The following ZNF423 variants were observed in gnomAD, a reference collection of about 807,000 sequenced individuals.
The protein encoded by ZNF423 is Ebf-associated zinc finger protein.
ZNF423 carries 12 observed loss-of-function variants against 95.8 expected under a neutral mutation model. The ratio of observed to expected loss-of-function variants is 0.13; its 90% CI spans 0.08 to 0.20. The LOEUF (loss-of-function observed/expected upper bound fraction) is 0.20. ZNF423 is among the 10% of genes least tolerant of loss of function. The pLI is 1.00. For synonymous variants in ZNF423, 749 were observed against 711.9 expected (o/e 1.05, Z -0.83); for missense variants, 1,316 against 1,737.1 (o/e 0.76, Z 4.31).
intron 7 of ZNF423, among the ~76,000 whole-genome samples, chr16:49,497,712 A>C (rs1406869095): frequency 6.6e-6 from 1 of 152,114 alleles, no homozygotes; most frequent in Non-Finnish European, 1.5e-5. Context: ...TTTACAACTC[A>C]CTTTCTCCAG....
At chr16:49,607,252 GC>G (rs1971569393) in intron 5 of ZNF423, among the ~76,000 whole-genome samples, 1 of 152,082 alleles carries the variant, frequency 6.6e-6, no homozygotes, top group South Asian at 2.1e-4. Context: ...AGTGAAAGGT[GC>G]CTTTTGTGGC....
chr16:49,683,912 A>T (rs922118473), intron 3 of ZNF423, among the ~76,000 whole-genome samples: 2 of 152,034 alleles, frequency 1.3e-5, no homozygotes, highest in Non-Finnish European at 2.9e-5. Context: ...CTCTACTAAA[A>T]ATTTAAAAAT....
intron 3 of ZNF423, among the ~76,000 whole-genome samples, chr16:49,661,298 C>G (rs1347934015): frequency 6.6e-6 from 1 of 151,802 alleles, no homozygotes. Flanking sequence ...AAACACCCCT[C>G]AAGTGGATGC....
At chr16:49,679,990 A>G (rs12934989) in intron 3 of ZNF423, among the ~76,000 whole-genome samples, 133,766 of 152,250 alleles carry the variant, frequency 0.88, 58,826 homozygotes, top group African/African-American at 0.88. Context: ...CTGACTCTTC[A>G]GGACAACCTA....
chr16:49,845,129 G>A (rs1280985126), intron 1 of ZNF423, among the ~76,000 whole-genome samples: 1 of 149,480 alleles, frequency 6.7e-6, no homozygotes, highest in African/African-American at 2.5e-5. Context: ...TGTGTTTTTT[G>A]GGGTTTTTTG....
rs373946136 is a variant in ZNF423, at chr16:49,491,192, T to C, written c.*83A>G. ...TACATCTGGGTTGCAAATGACACTT[T>C]GATTGGATGTAATGTTCAAATGGCC... On this transcript the variant is annotated 3_prime_UTR_variant, in exon 8 of 8. Coordinates refer to ENST00000563137, the MANE Select transcript of ZNF423 (RefSeq NM_001379286.1). 1.1e-5 allele frequency: 17 copies of C among 1,557,828 alleles called. No homozygotes were observed. Among genetic ancestry groups the C allele is most frequent in the Admixed American group, 8.4e-5 (5 of 59,818 alleles).
chr16:49,681,457 C>T (rs915503295), intron 3 of ZNF423, among the ~76,000 whole-genome samples: 9 of 152,244 alleles, frequency 5.9e-5, no homozygotes, highest in African/African-American at 2.2e-4. Flanking sequence ...CTGCCAAGTT[C>T]ACATCAGCGA....
chr16:49,812,299 C>T (rs2034765862), intron 1 of ZNF423, among the ~76,000 whole-genome samples: 1 of 152,248 alleles, frequency 6.6e-6, no homozygotes, highest in African/African-American at 2.4e-5. Context: ...CCCACATCCA[C>T]ATTCCCCATC....
intron 3 of ZNF423, among the ~76,000 whole-genome samples, chr16:49,687,312 G>A (rs2031602672): frequency 6.6e-6 from 1 of 151,982 alleles, no homozygotes; most frequent in South Asian, 2.1e-4. Flanking sequence ...AGGAAGGGGT[G>A]GAAGTGGGGG....
At chr16:49,604,133 G>A (rs566492200) in intron 5 of ZNF423, among the ~76,000 whole-genome samples, 8 of 152,326 alleles carry the variant, frequency 5.3e-5, no homozygotes, top group Non-Finnish European at 1.0e-4. Context: ...ACAAGCAGGC[G>A]GCAAACAGGG....
chr16:49,577,636 G>A (rs1440290213), intron 5 of ZNF423, among the ~76,000 whole-genome samples: 1 of 152,176 alleles, frequency 6.6e-6, no homozygotes, highest in East Asian at 1.9e-4. Flanking sequence ...GGTAAGTGCA[G>A]GAGGAGAGCA....
chr16:49,709,738 A>G lies in ZNF423; in HGVS notation c.301+21033T>C, dbSNP rs116102030. Among the ~76,000 whole-genome samples, 1,365 of 152,302 alleles carry G rather than the reference A, an allele frequency of 9.0e-3. 20 individuals carry two copies. The highest frequency in any genetic ancestry group is 0.032 in the African/African-American group (1,319 of 41,558). ...AGTTTCCTTATCAAAAAGCCCCAAC[A>G]TAGCTTATTAGTCCCTTTTTGCCCT... On this transcript the variant is annotated intron_variant, in intron 3 of 7. Transcript: ENST00000563137.
intron 5 of ZNF423, among the ~76,000 whole-genome samples, chr16:49,537,924 A>G (rs943999621): frequency 6.6e-6 from 1 of 152,144 alleles, no homozygotes; most frequent in Admixed American, 6.5e-5. Context: ...CAGGGACCAG[A>G]TGGGGGGTCT....
chr16:49,848,402 G>T (rs992594660), intron 1 of ZNF423, among the ~76,000 whole-genome samples: 5 of 152,194 alleles, frequency 3.3e-5, no homozygotes, highest in African/African-American at 1.2e-4. Context: ...TTCTGCAAAT[G>T]AATATTCAAA....
intron 2 of ZNF423, among the ~76,000 whole-genome samples, chr16:49,753,601 T>TA (rs34010796): frequency 0.011 from 1,336 of 119,170 alleles, 3 homozygotes; most frequent in African/African-American, 0.025. Context: ...AGACCCTATT[T>TA]AAAAAAAAAA....
intron 5 of ZNF423, among the ~76,000 whole-genome samples, chr16:49,593,864 C>T (rs942491725): frequency 1.3e-5 from 2 of 152,164 alleles, no homozygotes; most frequent in Non-Finnish European, 2.9e-5. Context: ...GAAGAGAAGA[C>T]CAAGAACTCT....
intron 1 of ZNF423, among the ~76,000 whole-genome samples, chr16:49,800,177 G>C (rs935827731): frequency 2.4e-4 from 36 of 152,118 alleles, no homozygotes; most frequent in Admixed American, 3.3e-4. Context: ...CTGGGAGGCA[G>C]GGGTTGCAGT....
intron 2 of ZNF423, among the ~76,000 whole-genome samples, chr16:49,776,314 C>T (rs967561128): frequency 7.2e-5 from 11 of 152,206 alleles, no homozygotes; most frequent in Non-Finnish European, 1.0e-4. Context: ...GCCAGCCCAG[C>T]GGGTGGGGAG....
intron 5 of ZNF423, among the ~76,000 whole-genome samples, chr16:49,596,526 T>A (rs1020289739): frequency 1.3e-5 from 2 of 152,194 alleles, no homozygotes; most frequent in Non-Finnish European, 2.9e-5. Flanking sequence ...GTTGCATACA[T>A]CCCAAAAGCT....
Sources: allele counts gnomAD v4.1 joint callset (sites outside exome capture counted in the v4.1 genomes callset), GRCh38; gene constraint gnomAD v4.1.1; transcripts MANE v1.5; gene names NCBI Gene and HGNC (gene_info 2026-07-23, HGNC 2026-07-21).